Variants in GCDH observed in about 807,000 individuals in gnomAD.
GCDH encodes the protein glutaryl-CoA dehydrogenase, mitochondrial.
In GCDH, 31 loss-of-function variants were observed where a neutral mutation model predicts 52.8. The observed-to-expected ratio is 0.59, with a 90% CI of 0.44 to 0.79. GCDH has a LOEUF of 0.79. Ranked by LOEUF, GCDH falls within the 30% of genes least tolerant of loss-of-function variation. The probability of loss-of-function intolerance (pLI) is 0.00; values close to 1 mark genes in which losing one functional copy is unlikely to be tolerated. For missense variants in GCDH, 509 were observed against 595.0 expected (o/e 0.86, Z 1.50); for synonymous variants, 242 against 250.0 (o/e 0.97, Z 0.30).
chr19:12,897,619 G>A (rs940957473), intron 10 of GCDH, 84 bp from the exon 11 acceptor site: 1 of 1,552,062 alleles, frequency 6.4e-7, no homozygotes, highest in African/African-American at 1.4e-5. Flanking sequence ...CTGCATCAGG[G>A]AATCCCCACC....
Position 12,896,495 on chromosome 19 carries a change from G to T in GCDH, c.852+74G>T, listed in dbSNP as rs146059418. On this transcript the variant is annotated intron_variant, in intron 8 of 11. Transcript: ENST00000222214. This position sits in a 1 kb window ranked among gnomAD's most constrained non-coding sequence, Gnocchi z 5.5. ...GGCTTTGTCAGGCAGGCTCCGTGCTGGGGACGCGGCTCCCTGTGCCTGTGG... is the reference window on the plus strand; with the variant it reads ...GGCTTTGTCAGGCAGGCTCCGTGCTTGGGACGCGGCTCCCTGTGCCTGTGG... 1.9e-3 allele frequency: 2,181 copies of T among 1,137,264 alleles called. 8 individuals carry two copies. The highest frequency in any genetic ancestry group is 3.0e-3 in the Admixed American group (152 of 51,012). The allele number at this position is 1,137,264 out of a possible 1,614,324, so 70.4% of individuals were successfully genotyped here. A position where few individuals can be genotyped will look rare whatever the true frequency, so the allele number is the denominator to read the frequency against.
rs1555751336 is a variant in GCDH, at chr19:12,897,809, G to A, written c.1189G>A (p.Glu397Lys). 1.9e-6 allele frequency: 3 copies of A among 1,613,888 alleles called. No individual in the cohort carries two copies. The highest frequency in any genetic ancestry group is 1.7e-5 in the Admixed American group (1 of 59,972). Residue 397 changes from glutamate (E) to lysine (K), a missense_variant, in exon 11 of 12, where the codon GAG becomes AAG. By Grantham distance (56) the Glu-to-Lys change is moderately conservative. Transcript: ENST00000222214. ...GCTGGGGGGGAATGGGATTTCTGAC[G>A]AGTATCACGTGATCCGGCACGCCAT... ...DMLGGNGISD[E>K]YHVIRHAMNL...
intron 9 of GCDH, 128 bp downstream of exon 9, chr19:12,897,141 C>A: frequency 8.5e-7 from 1 of 1,182,412 alleles, no homozygotes; most frequent in South Asian, 1.3e-5. Context: ...TGACCAGTGA[C>A]GTCCTTCTGA....
chr19:12,893,322 C>T (rs1970599664), intron 5 of GCDH, among the ~76,000 whole-genome samples, 161 bp from the exon 6 acceptor site: 1 of 152,172 alleles, frequency 6.6e-6, no homozygotes, highest in African/African-American at 2.4e-5. Context: ...GCTGTTGTCC[C>T]ACCCTCTGAA....
At chr19:12,897,132 G>T in intron 9 of GCDH, 119 bp downstream of exon 9, 1 of 1,178,308 alleles carries the variant, frequency 8.5e-7, no homozygotes, top group South Asian at 1.3e-5. Flanking sequence ...GCTCTGGAAT[G>T]ACCAGTGACG....
In GCDH at chr19:12,896,233, T is replaced by G. The variant is rs1467715744; in HGVS notation, c.664T>G (p.Phe222Val). 2 of 1,613,862 alleles carry G rather than the reference T, an allele frequency of 1.2e-6. No individual in the cohort carries two copies. Among genetic ancestry groups the G allele is most frequent in the African/African-American group, 2.7e-5 (2 of 74,866 alleles). The change falls in exon 8 of 12, where the codon TTT becomes GTT. Residue 222 changes from phenylalanine to valine, a missense_variant. Physicochemically the swap from Phe to Val is conservative, Grantham distance 50 (BLOSUM62 -1). Transcript: ENST00000222214. This position sits in a 1 kb window ranked among gnomAD's most constrained non-coding sequence, Gnocchi z 5.5. ...WITNSPMADL[F>V]VVWARCEDGC... is the part of the protein sequence containing the mutation. ...CACGAACTCGCCTATGGCCGATCTG[T>G]TTGTAGTGTGGGCTCGGTGTGAAGA...
chr19:12,899,092 CATTT>C, intron 11 of GCDH: 1 of 554,156 alleles, frequency 1.8e-6, no homozygotes, highest in South Asian at 2.1e-5. Flanking sequence ...GAAAATCAAA[CATTT>C]AATAAACTGT....
At chr19:12,893,200 T>C (rs1279133468) in intron 5 of GCDH, among the ~76,000 whole-genome samples, 2 of 152,156 alleles carry the variant, frequency 1.3e-5, no homozygotes, top group Non-Finnish European at 2.9e-5. Context: ...TTGTTTCTTT[T>C]TTTAGAGACA....
rs769604112 is a variant in GCDH at position 12,891,887 on chromosome 19, A to G, written c.184A>G (p.Thr62Ala). The change falls in exon 4 of 12, where the codon ACA (threonine) becomes GCA (alanine). Residue 62 changes from threonine (T) to alanine (A), a missense_variant. Coordinates refer to ENST00000222214, the MANE Select transcript of GCDH (RefSeq NM_000159.4). Reference protein sequence around the residue: ...DPLVLEEQLTTDEILIRDTFR... With the variant: ...DPLVLEEQLTADEILIRDTFR... The stretch of plus-strand genomic sequence containing the variant: ...GCTGGTGCTGGAGGAGCAGCTGACC[A>G]CAGATGAGATCCTCATCAGGGACAC... 5 of 1,614,094 alleles carry G rather than the reference A, an allele frequency of 3.1e-6. No individual in the cohort carries two copies. Among genetic ancestry groups the G allele is most frequent in the Non-Finnish European group, 4.2e-6 (5 of 1,179,926 alleles).
rs1198701813 is a variant in GCDH, at chr19:12,899,657, TGA to T, written c.*121_*122del. ...GGGAGGTGGCGGATGGAGTGGGAAGTGAGAGACACTGATTTTTAAATATCAAA... is the reference window on the plus strand; with the variant it reads ...GGGAGGTGGCGGATGGAGTGGGAAGTGAGACACTGATTTTTAAATATCAAA... On this transcript the variant is annotated 3_prime_UTR_variant, in exon 12 of 12. Transcript: ENST00000222214. 1.9e-6 allele frequency: 3 copies of T among 1,612,194 alleles called. No individual in the cohort carries two copies. The highest frequency in any genetic ancestry group is 2.5e-6 in the Non-Finnish European group (3 of 1,179,138).
At position 12,891,202 on chromosome 19, in the gene GCDH, G is replaced by A. The variant is rs545594924; in HGVS notation, c.-35G>A. 2.7e-4 allele frequency: 237 copies of A among 867,294 alleles called. 1 individual carries two copies. The African/African-American group carries it at 3.4e-3, about 13-fold the overall frequency. The allele number at this position is 867,294 out of a possible 1,614,324, so 53.7% of individuals were successfully genotyped here. A position where few individuals can be genotyped will look rare whatever the true frequency, so the allele number is the denominator to read the frequency against. On this transcript the variant is annotated splice_region_variant and 5_prime_UTR_variant, in exon 1 of 12. Transcript: ENST00000222214. ...GGCAGTGAACCGGGAGGTACTACCA[G>A]GTAAGGAAGGTGCGGTAGCCCCAGC...
intron 11 of GCDH, 81 bp from the exon 12 acceptor site, chr19:12,899,387 T>G (rs755878919): frequency 1.9e-6 from 3 of 1,614,106 alleles, no homozygotes; most frequent in Non-Finnish European, 2.5e-6. Flanking sequence ...AGCAGTGGCC[T>G]GGGGATACAT....
chr19:12,893,498 G>C lies in GCDH; in HGVS notation c.350G>C (p.Gly117Ala). 1 of 1,614,094 alleles carries C rather than the reference G, an allele frequency of 6.2e-7. No homozygotes were observed. The highest frequency in any genetic ancestry group is 1.1e-5 in the South Asian group (1 of 91,088). Residue 117 changes from glycine to alanine, a missense_variant, in exon 6 of 12, where the codon GGG becomes GCG. Transcript: ENST00000222214. ...GPTIKGYGCA[G>A]VSSVAYGLLA... ...CTACCACCAGGATATGGCTGTGCTGGGGTTTCGTCTGTGGCCTATGGGCTC... is the reference window on the plus strand; with the variant it reads ...CTACCACCAGGATATGGCTGTGCTGCGGTTTCGTCTGTGGCCTATGGGCTC...
chr19:12,896,864 C>G lies in GCDH; in HGVS notation c.853-46C>G. 1 of 1,372,042 alleles carries G rather than the reference C, an allele frequency of 7.3e-7. No homozygotes were observed. The allele number at this position is 1,372,042 out of a possible 1,614,324, so 85.0% of individuals were successfully genotyped here. A position where few individuals can be genotyped will look rare whatever the true frequency, so the allele number is the denominator to read the frequency against. On this transcript the variant is annotated intron_variant, in intron 8 of 11. Transcript: ENST00000222214. The surrounding 1 kb of genome is among the most constrained non-coding windows in gnomAD (Gnocchi z 5.5). ...TCAGAGTTGGTTCTGCATAGGCCCT[C>G]TTGGTGTCTCTTGGGTGGGCCTGAG... is the stretch of plus-strand genomic sequence containing the variant.
rs758133485 is a variant in GCDH at position 12,891,697 on chromosome 19, AC to A, written c.128-132del. 15 of 1,600,584 alleles carry A rather than the reference AC, an allele frequency of 9.4e-6. No individual in the cohort carries two copies. In the Admixed American group the frequency reaches 1.2e-4, roughly 13 times the overall value. On this transcript the variant is annotated intron_variant, in intron 3 of 11. Transcript: ENST00000222214. ...GTGCCTGCGGGGCCGGAGAAAAGTC[AC>A]CTGATCAGTCTCGCTTGCAGCTCGC... is the stretch of plus-strand genomic sequence containing the variant.
At chr19:12,894,642 G>A in intron 6 of GCDH, 1 of 751,252 alleles carries the variant, frequency 1.3e-6, no homozygotes, top group South Asian at 1.8e-5. Context: ...AAGAAACCTA[G>A]GACCAAAGCA....
intron 3 of GCDH, 82 bp from the exon 4 acceptor site, chr19:12,891,749 T>TG: frequency 3.1e-6 from 5 of 1,605,044 alleles, no homozygotes; most frequent in Admixed American, 1.7e-5. Context: ...ACATGGGTGT[T>TG]GGGGGGTAGG....
intron 6 of GCDH, chr19:12,894,466 G>T: frequency 1.4e-6 from 1 of 731,008 alleles, no homozygotes; most frequent in Non-Finnish European, 2.6e-6. Flanking sequence ...TCTCAACTTG[G>T]TTATTGTAAA....
chr19:12,899,747 G>A lies in GCDH; in HGVS notation c.*206G>A, dbSNP rs377036308. 3.3e-4 allele frequency: 539 copies of A among 1,610,704 alleles called. 1 individual carries two copies. Among genetic ancestry groups the A allele is most frequent in the Non-Finnish European group, 4.4e-4 (518 of 1,178,012 alleles). ...AAGAAGATGGAATTCTCTGTAGAGC[G>A]TCTCAATCCACTTTTAACCATGGAT... is the stretch of plus-strand genomic sequence containing the variant. On this transcript the variant is annotated 3_prime_UTR_variant, in exon 12 of 12. Transcript: ENST00000222214.
Sources: allele counts gnomAD v4.1 joint callset (sites outside exome capture counted in the v4.1 genomes callset), GRCh38; gene constraint gnomAD v4.1.1; non-coding constraint Gnocchi (gnomAD v3.1); transcripts MANE v1.5; gene names NCBI Gene and HGNC (gene_info 2026-07-23, HGNC 2026-07-21).